Variants in WDR70 observed in about 807,000 individuals in gnomAD.
The protein encoded by WDR70 is WD repeat domain 70.
Under a neutral mutation model 88.6 loss-of-function variants are expected in WDR70, and 53 were observed. The ratio of observed to expected loss-of-function variants is 0.60; its 90% CI spans 0.48 to 0.75. The LOEUF (loss-of-function observed/expected upper bound fraction) is 0.75. Ranked by LOEUF, WDR70 falls within the 30% of genes least tolerant of loss-of-function variation. WDR70 has a pLI of 0.00. For synonymous variants in WDR70, 280 were observed against 270.0 expected (o/e 1.04, Z -0.36); for missense variants, 610 against 823.2 (o/e 0.74, Z 3.17).
rs567207740 is a variant in WDR70 at position 37,468,215 on chromosome 5, G to A, written c.687-11619G>A. Among the ~76,000 whole-genome samples, 7 of 152,268 alleles carry A rather than the reference G, an allele frequency of 4.6e-5. No homozygotes were observed. The South Asian group carries it at 1.5e-3, about 32-fold the overall frequency. On this transcript the variant is annotated intron_variant, in intron 7 of 17. Transcript: ENST00000265107. ...GCAGATGGTAATAGGCTGATATATTGCACTTGTTGATGTAAATCTGATAGG... is the reference window on the plus strand; with the variant it reads ...GCAGATGGTAATAGGCTGATATATTACACTTGTTGATGTAAATCTGATAGG...
At chr5:37,485,858 A>ATTTTTTTTTTTTTTTTTTTTTTTTT (rs57109943) in intron 8 of WDR70, among the ~76,000 whole-genome samples, 9 of 108,288 alleles carry the variant, frequency 8.3e-5, no homozygotes, top group African/African-American at 3.5e-4. Context: ...TGCCTGGCTA[A>ATTTTTTTTTTTTTTTTTTTTTTTTT]TTTTTTTTTT....
At chr5:37,651,039 T>G (rs985820527) in intron 10 of WDR70, among the ~76,000 whole-genome samples, 4 of 151,738 alleles carry the variant, frequency 2.6e-5, no homozygotes, top group African/African-American at 9.7e-5. Context: ...AGTGTACACA[T>G]GCCATGATGG....
intron 8 of WDR70, among the ~76,000 whole-genome samples, chr5:37,480,479 G>T (rs1581320918): frequency 6.6e-6 from 1 of 152,300 alleles, no homozygotes; most frequent in Middle Eastern, 3.4e-3. Context: ...CACAATCATG[G>T]TGGAAGGCAA....
intron 13 of WDR70, among the ~76,000 whole-genome samples, chr5:37,713,989 A>T (rs1747586454): frequency 6.6e-6 from 1 of 152,158 alleles, no homozygotes; most frequent in Non-Finnish European, 1.5e-5. Context: ...GCATCCCGGG[A>T]TAGTATTTTT....
At chr5:37,505,787 C>A in intron 8 of WDR70, 1 of 1,407,212 alleles carries the variant, frequency 7.1e-7, no homozygotes, top group East Asian at 2.3e-5. Context: ...GAAGATCACA[C>A]CCAGACAGAT....
intron 9 of WDR70, among the ~76,000 whole-genome samples, chr5:37,568,877 A>C (rs1742819272): frequency 6.6e-6 from 1 of 152,138 alleles, no homozygotes; most frequent in Non-Finnish European, 1.5e-5. Flanking sequence ...AAGTGGCAGA[A>C]GTGATGGTAT....
Position 37,429,418 on chromosome 5 carries a change from C to T in WDR70, c.493-8504C>T, listed in dbSNP as rs566576220. Among the ~76,000 whole-genome samples, 11 of 151,566 alleles carry T rather than the reference C, an allele frequency of 7.3e-5. 1 individual carries two copies. Among genetic ancestry groups the T allele is most frequent in the Non-Finnish European group, 5.9e-5 (4 of 67,856 alleles). On this transcript the variant is annotated intron_variant, in intron 5 of 17. Transcript: ENST00000265107. ...ATTTTTTGTATTCTAAGAAATCTTT[C>T]CTTACCAATGATTGCAAAAATTTTT... is the stretch of plus-strand genomic sequence containing the variant.
intron 5 of WDR70, among the ~76,000 whole-genome samples, chr5:37,419,995 T>C (rs1398046581): frequency 6.6e-6 from 1 of 152,106 alleles, no homozygotes; most frequent in Non-Finnish European, 1.5e-5. Context: ...CCCCTCAGAC[T>C]TTCAAAGTGC....
intron 9 of WDR70, among the ~76,000 whole-genome samples, chr5:37,528,377 G>A (rs1741368320): frequency 6.6e-6 from 1 of 152,028 alleles, no homozygotes; most frequent in Non-Finnish European, 1.5e-5. Context: ...ACTATCACAA[G>A]GACAAAAAAC....
intron 5 of WDR70, among the ~76,000 whole-genome samples, chr5:37,430,552 TTTTTC>T (rs1750269722): frequency 6.6e-6 from 1 of 152,094 alleles, no homozygotes; most frequent in African/African-American, 2.4e-5. Context: ...TGTATAGATT[TTTTTC>T]TTTTCTTTTT....
intron 9 of WDR70, among the ~76,000 whole-genome samples, chr5:37,593,688 T>C (rs1743608625): frequency 6.6e-6 from 1 of 152,198 alleles, no homozygotes; most frequent in African/African-American, 2.4e-5. Context: ...CTGGGTCAAA[T>C]GGTATTTCTA....
chr5:37,564,527 G>C (rs1404660850), intron 9 of WDR70, among the ~76,000 whole-genome samples: 5 of 150,458 alleles, frequency 3.3e-5, no homozygotes, highest in Non-Finnish European at 7.5e-5. Flanking sequence ...GAAAGAGAGG[G>C]AGAGGGAGAC....
chr5:37,706,244 T>TG (rs1388955788), intron 13 of WDR70, among the ~76,000 whole-genome samples: 3 of 152,236 alleles, frequency 2.0e-5, no homozygotes, highest in Non-Finnish European at 4.4e-5. Context: ...TGCTAGGAGA[T>TG]GGTGTATGTT....
chr5:37,720,425 T>G (rs1030750884), intron 13 of WDR70, among the ~76,000 whole-genome samples: 1 of 152,194 alleles, frequency 6.6e-6, no homozygotes. Flanking sequence ...TAGTTCTCAC[T>G]GAGAACTTGT....
chr5:37,421,938 G>C (rs951852665), intron 5 of WDR70, among the ~76,000 whole-genome samples: 1 of 151,730 alleles, frequency 6.6e-6, no homozygotes, highest in East Asian at 1.9e-4. Flanking sequence ...CCTTGGGGTG[G>C]GAGTGAGAGT....
chr5:37,624,345 A>G (rs867012094), intron 10 of WDR70, among the ~76,000 whole-genome samples: 11 of 152,188 alleles, frequency 7.2e-5, no homozygotes, highest in Middle Eastern at 3.4e-3. Context: ...TTCCACTTCA[A>G]TCCATGTTAC....
At chr5:37,576,934 A>T (rs1193993497) in intron 9 of WDR70, among the ~76,000 whole-genome samples, 20 of 152,052 alleles carry the variant, frequency 1.3e-4, no homozygotes, top group Admixed American at 1.3e-3. Context: ...TTAGTTCTAG[A>T]GTCTACACAA....
intron 7 of WDR70, among the ~76,000 whole-genome samples, chr5:37,475,043 C>T (rs781540110): frequency 6.6e-5 from 10 of 151,644 alleles, no homozygotes; most frequent in Admixed American, 1.3e-4. Context: ...CTGAGCCTCC[C>T]GAGTAGCTGG....
intron 9 of WDR70, among the ~76,000 whole-genome samples, chr5:37,555,759 C>T (rs1054015924): frequency 6.6e-6 from 1 of 152,078 alleles, no homozygotes; most frequent in African/African-American, 2.4e-5. Context: ...TGCTCTGTTG[C>T]CCAGGCTGTA....
Sources: gnomAD v4.1 joint callset for allele counts (sites outside exome capture counted in the v4.1 genomes callset) on GRCh38, gnomAD v4.1.1 for gene constraint, MANE v1.5 for transcripts, NCBI Gene and HGNC (gene_info 2026-07-23, HGNC 2026-07-21) for gene names.